The following UPF2 variants were observed in gnomAD, a reference collection of about 807,000 sequenced individuals.
UPF2 encodes UPF2 regulator of nonsense mediated mRNA decay, also known as regulator of nonsense transcripts 2.
In UPF2, 17 loss-of-function variants were observed where a neutral mutation model predicts 141.4. That is an observed-to-expected ratio of 0.12 (90% CI 0.08 to 0.18). UPF2 has a LOEUF of 0.18. Among genes scored for constraint, UPF2 ranks in the 10% least tolerant of loss-of-function variants. The pLI, the probability that UPF2 is intolerant of heterozygous loss-of-function variation, is 1.00. For synonymous variants in UPF2, 540 were observed against 498.0 expected (o/e 1.08, Z -1.12); for missense variants, 1,152 against 1,515.9 (o/e 0.76, Z 3.99).
intron 4 of UPF2, among the ~76,000 whole-genome samples, chr10:12,011,245 C>T (rs1834121335): frequency 6.6e-6 from 1 of 152,356 alleles, no homozygotes; most frequent in African/African-American, 2.4e-5. Flanking sequence ...CTGCCTTGGC[C>T]TCCCAAAGCC....
At chr10:11,942,602 G>A (rs1000519052) in intron 18 of UPF2, 63 bp downstream of exon 18, 9 of 1,490,254 alleles carry the variant, frequency 6.0e-6, no homozygotes, top group Non-Finnish European at 8.4e-6. Flanking sequence ...ACATGAACCA[G>A]AATGTAATGG....
At chr10:12,011,302 T>C (rs1281068554) in intron 4 of UPF2, among the ~76,000 whole-genome samples, 1 of 152,166 alleles carries the variant, frequency 6.6e-6, no homozygotes, top group East Asian at 1.9e-4. Context: ...AAAGATCTTT[T>C]AAAAACAATG....
At chr10:12,005,380 G>T (rs185369128) in intron 4 of UPF2, among the ~76,000 whole-genome samples, 3 of 152,144 alleles carry the variant, frequency 2.0e-5, no homozygotes, top group African/African-American at 7.2e-5. Context: ...TGTTCCAAAG[G>T]GTAGAAGTTT....
At chr10:12,017,889 C>T (rs906284072) in intron 3 of UPF2, among the ~76,000 whole-genome samples, 1 of 152,134 alleles carries the variant, frequency 6.6e-6, no homozygotes, top group Non-Finnish European at 1.5e-5. Context: ...TTATCCCTCC[C>T]CTGGCCCTCC....
At chr10:12,024,832 C>G (rs955925804) in intron 3 of UPF2, among the ~76,000 whole-genome samples, 1 of 145,668 alleles carries the variant, frequency 6.9e-6, no homozygotes, top group African/African-American at 2.5e-5. Context: ...ACTTGACAGC[C>G]TGAGGTGGGA....
intron 4 of UPF2, among the ~76,000 whole-genome samples, chr10:12,008,357 G>A (rs1205771243): frequency 2.0e-5 from 3 of 151,968 alleles, no homozygotes; most frequent in Admixed American, 6.6e-5. Context: ...CAGGCCAGGC[G>A]CAGTGGCTCA....
intron 5 of UPF2, among the ~76,000 whole-genome samples, chr10:12,004,004 C>T (rs568969275): frequency 6.6e-6 from 1 of 151,448 alleles, no homozygotes; most frequent in East Asian, 1.9e-4. Flanking sequence ...TACAGTAACC[C>T]GGGTGAGAGA....
Position 11,931,537 on chromosome 10 carries a change from G to C in UPF2, c.3688+104C>G. On this transcript the variant is annotated intron_variant, in intron 20 of 21. Transcript: ENST00000357604. The surrounding 1 kb of genome is among the most constrained non-coding windows in gnomAD (Gnocchi z 5.9). ...AGTGGGATACAAAATGAATTTCTCA[G>C]CATAAATATGGAAAAATATGACATG... 1 of 1,226,968 alleles carries C rather than the reference G, an allele frequency of 8.2e-7. No individual in the cohort carries two copies. 76.0% of individuals were successfully genotyped at this position (1,226,968 alleles called of 1,614,324 possible). A position where few individuals can be genotyped will look rare whatever the true frequency, so the allele number is the denominator to read the frequency against.
Position 11,921,728 on chromosome 10 carries a change from T to A in UPF2, c.3810-421A>T, listed in dbSNP as rs184192138. 6.6e-6 allele frequency among the ~76,000 whole-genome samples: 1 copy of A among 152,274 alleles called. No individual in the cohort carries two copies. The highest frequency in any genetic ancestry group is 1.9e-4 in the East Asian group (1 of 5,170). On this transcript the variant is annotated intron_variant, in intron 21 of 21. Transcript: ENST00000357604. The surrounding 1 kb of genome is among the most constrained non-coding windows in gnomAD (Gnocchi z 5.9). Reference sequence around the variant, plus strand: ...TACCGAGGACAACTGTAGTGCTTTTTTGAGAGCATTCATGCTCTCTACTGA... The same window carrying A: ...TACCGAGGACAACTGTAGTGCTTTTATGAGAGCATTCATGCTCTCTACTGA...
chr10:11,926,414 T>C (rs1459389339), intron 21 of UPF2, among the ~76,000 whole-genome samples: 2 of 152,114 alleles, frequency 1.3e-5, no homozygotes, highest in South Asian at 2.1e-4. Context: ...GACACCTCCT[T>C]TGAGAGTGCA....
At chr10:11,930,153 C>T (rs1564334385) in intron 20 of UPF2, among the ~76,000 whole-genome samples, 168 bp from the exon 21 acceptor site, 2 of 152,318 alleles carry the variant, frequency 1.3e-5, no homozygotes, top group South Asian at 2.1e-4. Flanking sequence ...TTTAAAAGAG[C>T]ATTATCAAGA....
At chr10:12,017,125 A>G (rs564371996) in intron 3 of UPF2, among the ~76,000 whole-genome samples, 32 of 152,302 alleles carry the variant, frequency 2.1e-4, no homozygotes, top group African/African-American at 7.7e-4. Context: ...ATTAAAGAAC[A>G]AAAACCGAAG....
intron 10 of UPF2, among the ~76,000 whole-genome samples, chr10:11,967,140 G>A (rs571394718): frequency 1.9e-4 from 29 of 151,986 alleles, no homozygotes; most frequent in South Asian, 1.5e-3. Context: ...TAGATTTCAC[G>A]TAATTACTCG....
chr10:11,971,310 A>G (rs753100545), intron 9 of UPF2, among the ~76,000 whole-genome samples: 7 of 150,100 alleles, frequency 4.7e-5, no homozygotes, highest in Non-Finnish European at 1.0e-4. Context: ...GCTGGAGTGC[A>G]ACGGCGCAAT....
rs146809165 is a variant in UPF2 at position 11,963,581 on chromosome 10, G to A, written c.2184+428C>T. On this transcript the variant is annotated intron_variant, in intron 11 of 21. Coordinates refer to ENST00000357604, the MANE Select transcript of UPF2 (RefSeq NM_015542.4). ...TTTTGTAAGTGCTGGGAATACAGGC[G>A]TGAGCCACTGCGCCTGGCCTTAATT... is the stretch of plus-strand genomic sequence containing the variant. Among the ~76,000 whole-genome samples the A allele has an allele frequency of 1.6e-3, 240 of 152,276 alleles. 1 individual carries two copies. The highest frequency in any genetic ancestry group is 5.3e-3 in the African/African-American group (220 of 41,564).
rs116983114 is a variant in UPF2, at chr10:11,940,711, C to T, written c.3378+1954G>A. 0.012 allele frequency among the ~76,000 whole-genome samples: 1,884 copies of T among 152,282 alleles called. 25 individuals carry two copies. The highest frequency in any genetic ancestry group is 0.017 in the Non-Finnish European group (1,172 of 68,026). On this transcript the variant is annotated intron_variant, in intron 18 of 21. Coordinates refer to ENST00000357604, the MANE Select transcript of UPF2 (RefSeq NM_015542.4). This position sits in a 1 kb window ranked among gnomAD's most constrained non-coding sequence, Gnocchi z 4.2. The stretch of plus-strand genomic sequence containing the variant: ...TCCAGACTTCTCTCCATGTGCCTTG[C>T]CATATGCTAGACAGCTGACTGTCAT...
In UPF2 at chr10:11,980,287, T is replaced by A. The variant is rs1429582211; in HGVS notation, c.1845-1122A>T. ...CACTCAGCAGATCAGACTCTGAAGA[T>A]GAGAAGTAATGAGCAACTGATAAAA... On this transcript the variant is annotated intron_variant, in intron 8 of 21. Coordinates refer to ENST00000357604, the MANE Select transcript of UPF2 (RefSeq NM_015542.4). The surrounding 1 kb of genome is among the most constrained non-coding windows in gnomAD (Gnocchi z 4.2). 2.6e-5 allele frequency among the ~76,000 whole-genome samples: 4 copies of A among 152,146 alleles called. No individual in the cohort carries two copies. Among genetic ancestry groups the A allele is most frequent in the African/African-American group, 9.7e-5 (4 of 41,422 alleles).
intron 10 of UPF2, 32 bp from the exon 11 acceptor site, chr10:11,964,157 G>A: frequency 6.6e-7 from 1 of 1,513,528 alleles, no homozygotes; most frequent in Non-Finnish European, 9.1e-7. Context: ...AAACTACAAA[G>A]GCAACTCTTC....
At chr10:12,040,785 GCTAT>G (rs1200494368) in intron 1 of UPF2, among the ~76,000 whole-genome samples, 1 of 152,148 alleles carries the variant, frequency 6.6e-6, no homozygotes, top group East Asian at 1.9e-4. Context: ...TGGATATACT[GCTAT>G]CTATCTTGTA....
Sources: allele counts gnomAD v4.1 joint callset (sites outside exome capture counted in the v4.1 genomes callset), GRCh38; gene constraint gnomAD v4.1.1; non-coding constraint Gnocchi (gnomAD v3.1); transcripts MANE v1.5; gene names NCBI Gene and HGNC (gene_info 2026-07-23, HGNC 2026-07-21).